The following SEMA3A variants were observed in gnomAD, a reference collection of about 807,000 sequenced individuals.
The protein encoded by SEMA3A is semaphorin 3A, also known as semaphorin-3A.
A neutral mutation model predicts 97.9 loss-of-function variants in SEMA3A; 29 were observed. The observed-to-expected ratio is 0.30, with a 90% CI of 0.22 to 0.40. The LOEUF (loss-of-function observed/expected upper bound fraction) is 0.40. Ranked by LOEUF, SEMA3A falls within the 10% of genes least tolerant of loss-of-function variation. The pLI is 1.00. For synonymous variants in SEMA3A, 321 were observed against 323.7 expected, an observed-to-expected ratio of 0.99 and a Z score of 0.09; for missense variants, 763 against 951.3, an observed-to-expected ratio of 0.80 and a Z score of 2.60.
At chr7:84,031,261 G>A (rs1791741305) in intron 6 of SEMA3A, among the ~76,000 whole-genome samples, 1 of 151,928 alleles carries the variant, frequency 6.6e-6, no homozygotes, top group South Asian at 2.1e-4. Context: ...AAATTGCTGG[G>A]ATTACAGGTG....
intron 3 of SEMA3A, among the ~76,000 whole-genome samples, chr7:84,279,188 G>A (rs1341002129): frequency 1.3e-5 from 2 of 151,960 alleles, no homozygotes; most frequent in African/African-American, 4.8e-5. Flanking sequence ...GATTGCAAAG[G>A]AAAAAAGAAA....
intron 1 of SEMA3A, among the ~76,000 whole-genome samples, chr7:84,484,343 T>C (rs960451647): frequency 1.3e-5 from 2 of 152,138 alleles, no homozygotes; most frequent in African/African-American, 2.4e-5. Flanking sequence ...GAAACAAATA[T>C]TTTAAATGCA....
At chr7:84,154,378 C>T (rs1402557781) in intron 1 of SEMA3A, among the ~76,000 whole-genome samples, 2 of 151,938 alleles carry the variant, frequency 1.3e-5, no homozygotes, top group African/African-American at 4.8e-5. Context: ...GTAAATAGAA[C>T]ATAAAGACAG....
At chr7:84,465,544 G>C (rs1805969374) in intron 1 of SEMA3A, among the ~76,000 whole-genome samples, 1 of 151,942 alleles carries the variant, frequency 6.6e-6, no homozygotes, top group Non-Finnish European at 1.5e-5. Context: ...TTCTAATATA[G>C]TCTTGCTTTC....
chr7:84,121,299 G>A (rs1463534402), intron 3 of SEMA3A, among the ~76,000 whole-genome samples: 2 of 152,004 alleles, frequency 1.3e-5, no homozygotes, highest in East Asian at 3.9e-4. Flanking sequence ...CCATGTTGCT[G>A]TGCTGCACCA....
intron 3 of SEMA3A, among the ~76,000 whole-genome samples, chr7:84,270,772 TA>T (rs1464621671): frequency 2.0e-5 from 3 of 151,384 alleles, no homozygotes; most frequent in Admixed American, 1.3e-4. Flanking sequence ...GTTTTAAGAA[TA>T]AAAGCACTTG....
intron 2 of SEMA3A, among the ~76,000 whole-genome samples, chr7:84,339,407 T>C (rs533710312): frequency 2.0e-4 from 31 of 152,122 alleles, no homozygotes; most frequent in Admixed American, 4.6e-4. Context: ...GTATCTGCCT[T>C]TGTGGGTCCT....
intron 3 of SEMA3A, among the ~76,000 whole-genome samples, chr7:84,243,272 T>C (rs912999969): frequency 1.3e-5 from 2 of 152,176 alleles, no homozygotes; most frequent in African/African-American, 4.8e-5. Context: ...TGAATCTGTC[T>C]GGTCCCGGGA....
chr7:84,200,392 C>T (rs996833741), intron 3 of SEMA3A, among the ~76,000 whole-genome samples: 15 of 151,962 alleles, frequency 9.9e-5, no homozygotes, highest in African/African-American at 2.4e-4. Context: ...AGTCTTCTAG[C>T]GGTAAACTGT....
chr7:84,001,109 T>C (rs1373788207), intron 12 of SEMA3A, among the ~76,000 whole-genome samples: 1 of 152,118 alleles, frequency 6.6e-6, no homozygotes. Flanking sequence ...AATAGATGTT[T>C]GCTCTATTCT....
At chr7:84,395,899 G>C (rs879639387) in intron 1 of SEMA3A, among the ~76,000 whole-genome samples, 3 of 151,954 alleles carry the variant, frequency 2.0e-5, no homozygotes, top group Non-Finnish European at 4.4e-5. Context: ...GATCAAGAAA[G>C]GTAAAAAATG....
chr7:84,035,343 T>C (rs1425104565), intron 6 of SEMA3A, among the ~76,000 whole-genome samples: 2 of 152,052 alleles, frequency 1.3e-5, no homozygotes, highest in Non-Finnish European at 2.9e-5. Context: ...TTTATTTCTT[T>C]AATCATAAAA....
intron 6 of SEMA3A, among the ~76,000 whole-genome samples, chr7:84,026,544 A>G (rs1791550727): frequency 6.6e-6 from 1 of 152,216 alleles, no homozygotes; most frequent in Non-Finnish European, 1.5e-5. Flanking sequence ...ACACATGCAC[A>G]TGAATGTTTT....
chr7:84,065,884 A>G (rs1463715647), intron 4 of SEMA3A, among the ~76,000 whole-genome samples: 1 of 151,852 alleles, frequency 6.6e-6, no homozygotes, highest in Non-Finnish European at 1.5e-5. Flanking sequence ...TATTCCAATC[A>G]ATAGAAAAAG....
chr7:84,273,953 A>G (rs553571296), intron 3 of SEMA3A, among the ~76,000 whole-genome samples: 1 of 152,142 alleles, frequency 6.6e-6, no homozygotes, highest in East Asian at 1.9e-4. Context: ...AAATTTGTTA[A>G]TCTTATTCTT....
At chr7:84,360,855 A>G (rs1251326965) in intron 2 of SEMA3A, among the ~76,000 whole-genome samples, 1 of 151,810 alleles carries the variant, frequency 6.6e-6, no homozygotes, top group Non-Finnish European at 1.5e-5. Context: ...GTGCAGTGGC[A>G]TGATCTTGGC....
chr7:84,246,987 T>G (rs1295351006), intron 3 of SEMA3A, among the ~76,000 whole-genome samples: 1 of 152,114 alleles, frequency 6.6e-6, no homozygotes, highest in Admixed American at 6.5e-5. Context: ...TAAATTATGG[T>G]TTTTAAGTGT....
chr7:84,459,149 G>A (rs1805760519), intron 1 of SEMA3A, among the ~76,000 whole-genome samples: 1 of 151,920 alleles, frequency 6.6e-6, no homozygotes, highest in African/African-American at 2.4e-5. Flanking sequence ...TCCAACATGT[G>A]ACTTACTGTC....
chr7:84,212,340 T>C (rs1489129885), intron 3 of SEMA3A, among the ~76,000 whole-genome samples: 1 of 152,246 alleles, frequency 6.6e-6, no homozygotes, highest in Non-Finnish European at 1.5e-5. Context: ...CAGTTTTTCA[T>C]TTATCATCAC....
Sources: gnomAD v4.1 joint callset for allele counts (sites outside exome capture counted in the v4.1 genomes callset) on GRCh38, gnomAD v4.1.1 for gene constraint, MANE v1.5 for transcripts, NCBI Gene and HGNC (gene_info 2026-07-23, HGNC 2026-07-21) for gene names.